PPARG: variants seen among roughly 807,000 people sequenced by gnomAD.
PPARG encodes the protein peroxisome proliferator activated receptor gamma, also known as peroxisome proliferator-activated receptor gamma.
In PPARG, 17 loss-of-function variants were observed where a neutral mutation model predicts 39.2. That is an observed-to-expected ratio of 0.43 (90% CI 0.30 to 0.65). The LOEUF is 0.65. Ranked by LOEUF, PPARG falls within the 30% of genes least tolerant of loss-of-function variation. The pLI, the probability that PPARG is intolerant of heterozygous loss-of-function variation, is 0.13. For synonymous variants in PPARG, 223 were observed against 215.7 expected (o/e 1.03, Z -0.30); for missense variants, 406 against 585.9 (o/e 0.69, Z 3.17).
chr3:12,352,226 T>A (rs1248303899), intron 2 of PPARG, among the ~76,000 whole-genome samples: 1 of 152,192 alleles, frequency 6.6e-6, no homozygotes, highest in Admixed American at 6.5e-5. Context: ...ATTAGATTTC[T>A]TAGGATACTT....
chr3:12,421,801 G>A (rs1209862216), intron 7 of PPARG, among the ~76,000 whole-genome samples: 1 of 152,192 alleles, frequency 6.6e-6, no homozygotes, highest in African/African-American at 2.4e-5. Context: ...TCCTGAGTCT[G>A]GCTTGGTGAC....
rs2047129833 is a variant in PPARG at position 12,308,315 on chromosome 3, A to T, written c.-82-4065A>T. 5.5e-5 allele frequency among the ~76,000 whole-genome samples: 8 copies of T among 146,020 alleles called. No individual in the cohort carries two copies. The Admixed American group carries it at 5.7e-4, about 10-fold the overall frequency. On this transcript the variant is annotated intron_variant, in intron 1 of 7. Transcript: ENST00000651735. ...ACCATGATCACACCACTGTACTCTA[A>T]CCTGGATGACAGAGCAAGACCCTGT...
At chr3:12,382,707 C>T (rs916239188) in intron 4 of PPARG, among the ~76,000 whole-genome samples, 4 of 152,176 alleles carry the variant, frequency 2.6e-5, no homozygotes, top group Admixed American at 6.5e-5. Flanking sequence ...TGGTGGCTCA[C>T]GCCTCTAATC....
intron 2 of PPARG, among the ~76,000 whole-genome samples, chr3:12,352,897 T>G (rs974058888): frequency 6.6e-6 from 1 of 152,234 alleles, no homozygotes; most frequent in African/African-American, 2.4e-5. Flanking sequence ...TAAAAATTGT[T>G]GCTATCTTTC....
intron 5 of PPARG, among the ~76,000 whole-genome samples, chr3:12,405,473 C>T (rs1431182946): frequency 1.3e-5 from 2 of 152,160 alleles, no homozygotes; most frequent in Non-Finnish European, 2.9e-5. Flanking sequence ...TATTTTAATT[C>T]GTGAAACGTG....
chr3:12,423,847 C>G (rs1010101880), intron 7 of PPARG, among the ~76,000 whole-genome samples: 2 of 152,192 alleles, frequency 1.3e-5, no homozygotes, highest in African/African-American at 4.8e-5. Context: ...ACAAGGATAT[C>G]TGCTTTCTCT....
chr3:12,368,749 A>G (rs562032710), intron 2 of PPARG, among the ~76,000 whole-genome samples: 1 of 152,160 alleles, frequency 6.6e-6, no homozygotes, highest in Non-Finnish European at 1.5e-5. Flanking sequence ...TTCCTCCTTC[A>G]CTAAACAAAA....
At chr3:12,390,335 A>C (rs887359489) in intron 4 of PPARG, among the ~76,000 whole-genome samples, 5 of 152,190 alleles carry the variant, frequency 3.3e-5, no homozygotes, top group Non-Finnish European at 5.9e-5. Flanking sequence ...ATTTACAGGA[A>C]TATTTAGAGA....
chr3:12,332,540 A>G (rs1015006777), intron 2 of PPARG, among the ~76,000 whole-genome samples: 2 of 152,176 alleles, frequency 1.3e-5, no homozygotes, highest in African/African-American at 2.4e-5. Flanking sequence ...AATCACAGTT[A>G]TATGGCATTT....
chr3:12,397,378 TTTATTATTATTATTA>T (rs200520715), intron 5 of PPARG, among the ~76,000 whole-genome samples: 3,241 of 132,084 alleles, frequency 0.025, 112 homozygotes, highest in African/African-American at 0.074. Flanking sequence ...CCTATTCCTT[TTTATTATTATTATTA>T]TTATTATTAT....
chr3:12,319,747 A>C (rs2047485897), intron 2 of PPARG, among the ~76,000 whole-genome samples: 1 of 152,014 alleles, frequency 6.6e-6, no homozygotes, highest in African/African-American at 2.4e-5. Flanking sequence ...GTTCCAGGGA[A>C]ATTCACTGCT....
chr3:12,308,343 C>CAAA (rs57225468), intron 1 of PPARG, among the ~76,000 whole-genome samples: 7 of 37,290 alleles, frequency 1.9e-4, no homozygotes, highest in South Asian at 1.6e-3. Flanking sequence ...GACCCTGTCT[C>CAAA]AAAAAAAAAA....
chr3:12,350,939 A>G (rs187015955), intron 2 of PPARG, among the ~76,000 whole-genome samples: 44 of 152,338 alleles, frequency 2.9e-4, no homozygotes, highest in African/African-American at 9.4e-4. Context: ...GAATTTAGAT[A>G]GCAGTCAGTA....
At chr3:12,316,132 G>A (rs74967228) in intron 2 of PPARG, among the ~76,000 whole-genome samples, 144 of 152,284 alleles carry the variant, frequency 9.5e-4, no homozygotes, top group Non-Finnish European at 1.6e-3. Flanking sequence ...CTTTAGAAAA[G>A]CATAAAGCCG....
chr3:12,396,299 T>C (rs1212074413), intron 5 of PPARG, among the ~76,000 whole-genome samples: 1 of 152,058 alleles, frequency 6.6e-6, no homozygotes, highest in East Asian at 1.9e-4. Context: ...TTTTTGTATT[T>C]TTAGTAAAGA....
At chr3:12,344,153 G>A (rs1338096556) in intron 2 of PPARG, among the ~76,000 whole-genome samples, 6 of 152,030 alleles carry the variant, frequency 3.9e-5, no homozygotes, top group Admixed American at 2.0e-4. Context: ...GAGCCACCAC[G>A]CCCAGCCAAT....
At chr3:12,385,648 C>CATACA (rs1222830222) in intron 4 of PPARG, among the ~76,000 whole-genome samples, 3 of 151,982 alleles carry the variant, frequency 2.0e-5, no homozygotes, top group Non-Finnish European at 4.4e-5. Flanking sequence ...TACAGTCTAC[C>CATACA]ATACAATACA....
rs148345915 is a variant in PPARG at position 12,429,680 on chromosome 3, C to T, written c.1181-4218C>T. On this transcript the variant is annotated intron_variant, in intron 7 of 7. Transcript: ENST00000651735. ...GGTCCCAGCCCAGGAGGGCCTCTCT[C>T]GGCACCTGTCTTTAGATGCACGTCT... is the stretch of plus-strand genomic sequence containing the variant. Among the ~76,000 whole-genome samples the T allele has an allele frequency of 2.0e-3, 297 of 152,260 alleles. 1 individual carries two copies. The highest frequency in any genetic ancestry group is 6.6e-3 in the African/African-American group (273 of 41,556).
chr3:12,363,015 G>A (rs2048902045), intron 2 of PPARG, among the ~76,000 whole-genome samples: 1 of 151,996 alleles, frequency 6.6e-6, no homozygotes, highest in African/African-American at 2.4e-5. Context: ...AACCTCCTGG[G>A]CTCAAGTGAT....
Sources: allele counts gnomAD v4.1 joint callset (sites outside exome capture counted in the v4.1 genomes callset), GRCh38; gene constraint gnomAD v4.1.1; transcripts MANE v1.5; gene names NCBI Gene and HGNC (gene_info 2026-07-23, HGNC 2026-07-21).